DOCK1: variants seen among roughly 807,000 people sequenced by gnomAD.
DOCK1 encodes the protein dedicator of cytokinesis 1.
DOCK1 carries 138 observed loss-of-function variants against 262.7 expected under a neutral mutation model. The ratio of observed to expected loss-of-function variants is 0.53; its 90% CI spans 0.46 to 0.61. The LOEUF is 0.61. Among genes scored for constraint, DOCK1 ranks in the 20% least tolerant of loss-of-function variants. The pLI is 0.00. For missense variants in DOCK1, 1,908 were observed against 2,370.7 expected, an observed-to-expected ratio of 0.80 and a Z score of 4.05; for synonymous variants, 866 against 867.4, an observed-to-expected ratio of 1.00 and a Z score of 0.03.
At chr10:127,449,916 A>G (rs2070844544) in intron 51 of DOCK1, among the ~76,000 whole-genome samples, 1 of 152,008 alleles carries the variant, frequency 6.6e-6, no homozygotes, top group South Asian at 2.1e-4. Context: ...ATGGTGATAA[A>G]CTTTTGACAT....
chr10:126,972,662 T>C (rs771432505), intron 2 of DOCK1, among the ~76,000 whole-genome samples: 4 of 152,138 alleles, frequency 2.6e-5, no homozygotes, highest in Non-Finnish European at 5.9e-5. Context: ...GAATGAAGTA[T>C]GCCCAGCTTC....
At chr10:127,246,814 T>C (rs942958493) in intron 27 of DOCK1, among the ~76,000 whole-genome samples, 1 of 152,224 alleles carries the variant, frequency 6.6e-6, no homozygotes, top group African/African-American at 2.4e-5. Context: ...TTAGGCATTC[T>C]GATATATTGC....
chr10:126,929,787 G>A (rs1169189918), intron 1 of DOCK1, among the ~76,000 whole-genome samples: 1 of 152,112 alleles, frequency 6.6e-6, no homozygotes, highest in African/African-American at 2.4e-5. Flanking sequence ...TGAATCAGTT[G>A]CATGATTTAA....
At chr10:127,417,965 G>A (rs1345939614) in intron 44 of DOCK1, among the ~76,000 whole-genome samples, 1 of 152,060 alleles carries the variant, frequency 6.6e-6, no homozygotes, top group Non-Finnish European at 1.5e-5. Flanking sequence ...AGGTAGTGCA[G>A]GCTGCCCGGG....
At chr10:126,949,301 C>G (rs1196612642) in intron 1 of DOCK1, among the ~76,000 whole-genome samples, 1 of 152,118 alleles carries the variant, frequency 6.6e-6, no homozygotes, top group African/African-American at 2.4e-5. Context: ...CCTAAGCTGT[C>G]TAGTGCCTCT....
chr10:127,373,741 C>T lies in DOCK1; in HGVS notation c.3433-40C>T, dbSNP rs11017658. The T allele has an allele frequency of 0.022, 34,073 of 1,533,530 alleles. 3,259 individuals carry two copies. The East Asian group carries it at 0.28, about 13-fold the overall frequency. 95.0% of individuals were successfully genotyped at this position (1,533,530 alleles called of 1,614,324 possible). A position where few individuals can be genotyped will look rare whatever the true frequency, so the allele number is the denominator to read the frequency against. The stretch of plus-strand genomic sequence containing the variant: ...CACTCAAGTCATAAAATGAAATACT[C>T]GCCATGCTGATTATTTACGCTTCCT... On this transcript the variant is annotated intron_variant, in intron 33 of 51. Transcript: ENST00000623213.
intron 14 of DOCK1, among the ~76,000 whole-genome samples, chr10:127,023,631 T>C (rs934756226): frequency 6.6e-6 from 1 of 151,562 alleles, no homozygotes; most frequent in Admixed American, 6.6e-5. Flanking sequence ...GGCTAATTTT[T>C]ATATTTTTTA....
intron 29 of DOCK1, among the ~76,000 whole-genome samples, chr10:127,332,118 A>G (rs1385087481): frequency 6.6e-6 from 1 of 152,234 alleles, no homozygotes; most frequent in East Asian, 1.9e-4. Flanking sequence ...GTATGCATCC[A>G]GCACGTCACT....
chr10:127,107,202 C>A (rs1040503925), intron 24 of DOCK1, among the ~76,000 whole-genome samples: 1 of 152,132 alleles, frequency 6.6e-6, no homozygotes, highest in East Asian at 1.9e-4. Flanking sequence ...TGATTTGACA[C>A]AATAAACTAC....
intron 23 of DOCK1, among the ~76,000 whole-genome samples, chr10:127,069,221 T>C (rs1156523309): frequency 1.3e-5 from 2 of 152,226 alleles, no homozygotes; most frequent in African/African-American, 4.8e-5. Flanking sequence ...CTTCTTGTCA[T>C]TGGGCTATGC....
chr10:127,169,831 T>C (rs752496894), intron 27 of DOCK1, among the ~76,000 whole-genome samples: 1 of 152,196 alleles, frequency 6.6e-6, no homozygotes, highest in Non-Finnish European at 1.5e-5. Flanking sequence ...CCATTACTTG[T>C]TGGCTATTCA....
At chr10:127,237,011 C>T (rs2059093361) in intron 27 of DOCK1, among the ~76,000 whole-genome samples, 1 of 152,118 alleles carries the variant, frequency 6.6e-6, no homozygotes, top group African/African-American at 2.4e-5. Flanking sequence ...AACCTTTACT[C>T]TTGACTCCTA....
intron 29 of DOCK1, among the ~76,000 whole-genome samples, chr10:127,297,741 G>A (rs753521935): frequency 2.0e-5 from 3 of 152,070 alleles, no homozygotes; most frequent in Non-Finnish European, 4.4e-5. Flanking sequence ...CTCATGGCAC[G>A]AGCATGGGAA....
intron 40 of DOCK1, among the ~76,000 whole-genome samples, chr10:127,406,278 G>A (rs1590924059): frequency 6.6e-6 from 1 of 152,200 alleles, no homozygotes; most frequent in African/African-American, 2.4e-5. Context: ...GCAGTGCCGG[G>A]TGCGGAGGAC....
intron 1 of DOCK1, among the ~76,000 whole-genome samples, chr10:126,912,718 T>C (rs1333856492): frequency 9.3e-6 from 1 of 108,030 alleles, no homozygotes; most frequent in Non-Finnish European, 1.8e-5. Flanking sequence ...AGAGTGAGAC[T>C]CCATCTCGGA....
chr10:127,310,514 T>C (rs1216419867), intron 29 of DOCK1, among the ~76,000 whole-genome samples: 1 of 152,224 alleles, frequency 6.6e-6, no homozygotes, highest in Non-Finnish European at 1.5e-5. Flanking sequence ...ATAACCCGTT[T>C]GTATTACTTA....
intron 26 of DOCK1, among the ~76,000 whole-genome samples, chr10:127,127,049 A>G (rs1335983765): frequency 6.6e-6 from 1 of 152,106 alleles, no homozygotes; most frequent in African/African-American, 2.4e-5. Context: ...TTTATTGGAG[A>G]AAAGCTTGGG....
chr10:127,098,385 G>A (rs575159972), intron 23 of DOCK1, among the ~76,000 whole-genome samples: 1 of 152,176 alleles, frequency 6.6e-6, no homozygotes. Context: ...AGATGTGCAC[G>A]CTGAGGAGGT....
At chr10:126,924,658 A>G (rs964917266) in intron 1 of DOCK1, among the ~76,000 whole-genome samples, 1 of 152,230 alleles carries the variant, frequency 6.6e-6, no homozygotes, top group South Asian at 2.1e-4. Context: ...CCAGAAGAAC[A>G]GAAAATGAAA....
Sources: gnomAD v4.1 joint callset for allele counts (sites outside exome capture counted in the v4.1 genomes callset) on GRCh38, gnomAD v4.1.1 for gene constraint, MANE v1.5 for transcripts, NCBI Gene and HGNC (gene_info 2026-07-23, HGNC 2026-07-21) for gene names.